Variants in CASTOR2 observed in about 807,000 individuals in gnomAD.
The protein encoded by CASTOR2 is GATS protein like 2.
CASTOR2 carries 8 observed loss-of-function variants against 31.2 expected under a neutral mutation model. That is an observed-to-expected ratio of 0.26 (90% CI 0.15 to 0.46). The LOEUF (loss-of-function observed/expected upper bound fraction) is 0.46, where lower values mean the gene tolerates loss of function less well. CASTOR2 is among the 20% of genes least tolerant of loss of function. CASTOR2 has a pLI of 0.99. For synonymous variants in CASTOR2, 162 were observed against 158.7 expected (o/e 1.02, Z -0.16); for missense variants, 216 against 382.1 (o/e 0.57, Z 3.62).
intron 1 of CASTOR2, among the ~76,000 whole-genome samples, chr7:74,980,644 G>T (rs1196429549): frequency 7.2e-6 from 1 of 138,722 alleles, no homozygotes; most frequent in Non-Finnish European, 1.5e-5. Context: ...TGTCCCCATG[G>T]CACAGATGGT....
intron 1 of CASTOR2, among the ~76,000 whole-genome samples, chr7:75,003,198 G>A (rs1804535128): frequency 1.3e-5 from 2 of 152,216 alleles, no homozygotes; most frequent in Non-Finnish European, 2.9e-5. Context: ...TATAATCCGA[G>A]CACTTTGGGA....
intron 1 of CASTOR2, among the ~76,000 whole-genome samples, chr7:75,004,521 C>T (rs1368202112): frequency 2.0e-5 from 3 of 147,246 alleles, no homozygotes; most frequent in African/African-American, 7.5e-5. Flanking sequence ...GGCACGATCT[C>T]AGCTCACAGC....
chr7:75,007,471 C>G (rs1320527274), intron 1 of CASTOR2, among the ~76,000 whole-genome samples: 6 of 151,966 alleles, frequency 3.9e-5, no homozygotes, highest in African/African-American at 1.4e-4. Flanking sequence ...GCATTCCTCT[C>G]TCTTTAGGGA....
In CASTOR2 at chr7:75,026,130, T is replaced by G. The variant is rs1805121847; in HGVS notation, c.*1431T>G. Among the ~76,000 whole-genome samples, 1 of 149,340 alleles carries G rather than the reference T, an allele frequency of 6.7e-6. No homozygotes were observed. Among genetic ancestry groups the G allele is most frequent in the Admixed American group, 6.8e-5 (1 of 14,768 alleles). ...GGGTTAGCCGTGGTGTCCCTTCCAG[T>G]GGGGTGGTTTTCTGAATGAGCAGGA... On this transcript the variant is annotated 3_prime_UTR_variant, in exon 9 of 9. Coordinates refer to ENST00000616305, the MANE Select transcript of CASTOR2 (RefSeq NM_001145064.3).
At chr7:75,008,642 G>A (rs1474108384) in intron 2 of CASTOR2, among the ~76,000 whole-genome samples, 3 of 152,178 alleles carry the variant, frequency 2.0e-5, no homozygotes, top group African/African-American at 7.2e-5. Flanking sequence ...GCTGCAGTGA[G>A]CTGTTATTGA....
chr7:75,001,930 G>A (rs1804506712), intron 1 of CASTOR2, among the ~76,000 whole-genome samples: 2 of 152,166 alleles, frequency 1.3e-5, no homozygotes, highest in African/African-American at 2.4e-5. Context: ...TCCTTGGGCT[G>A]TGATGCACCA....
At chr7:75,022,860 A>AG (rs1324192208) in intron 7 of CASTOR2, among the ~76,000 whole-genome samples, 1 of 152,238 alleles carries the variant, frequency 6.6e-6, no homozygotes, top group Non-Finnish European at 1.5e-5. Flanking sequence ...AAAATTAAAG[A>AG]GAAAAAAAAT....
rs200466833 is a variant in CASTOR2 at position 75,030,525 on chromosome 7, T to C, written c.*5826T>C. 0.94 allele frequency among the ~76,000 whole-genome samples: 143,361 copies of C among 152,220 alleles called. 67,506 individuals are homozygous for C. The highest frequency in any genetic ancestry group is 0.98 in the Middle Eastern group (287 of 294). ...TTTGAGCAGTTCTGGCTCAGGGTCA[T>C]TCATGAGGTTGCTGTTGTCTGAAAT... On this transcript the variant is annotated 3_prime_UTR_variant, in exon 9 of 9. Coordinates refer to ENST00000616305, the MANE Select transcript of CASTOR2 (RefSeq NM_001145064.3).
intron 2 of CASTOR2, among the ~76,000 whole-genome samples, chr7:75,013,842 C>T (rs2131950650): frequency 6.6e-6 from 1 of 152,190 alleles, no homozygotes; most frequent in Admixed American, 6.6e-5. Flanking sequence ...ATTCTCATGC[C>T]TCAGCCTCCT....
At chr7:75,019,569 C>T (rs1031294545) in intron 5 of CASTOR2, among the ~76,000 whole-genome samples, 66 of 152,318 alleles carry the variant, frequency 4.3e-4, no homozygotes, top group South Asian at 6.2e-4. Context: ...AATTTGGTGA[C>T]GCCCCAAAGA....
At chr7:75,007,826 G>A in intron 1 of CASTOR2, 168 bp from the exon 2 acceptor site, 1 of 811,180 alleles carries the variant, frequency 1.2e-6, no homozygotes, top group South Asian at 1.6e-5. Flanking sequence ...TGAGAACTGA[G>A]TAGGGGGACA....
chr7:74,983,987 G>C (rs1256302571), intron 1 of CASTOR2, among the ~76,000 whole-genome samples: 1 of 150,958 alleles, frequency 6.6e-6, no homozygotes, highest in Non-Finnish European at 1.5e-5. Flanking sequence ...TCACTTTGTT[G>C]CCCAGGCTGG....
chr7:75,011,056 C>T (rs1354992654), intron 2 of CASTOR2, among the ~76,000 whole-genome samples: 198 of 151,720 alleles, frequency 1.3e-3, no homozygotes, highest in African/African-American at 3.6e-3. Context: ...GGTTTGGTTT[C>T]ACCATGTTGG....
chr7:74,993,445 CTTTTTTT>C (rs1156811360), intron 1 of CASTOR2, among the ~76,000 whole-genome samples: 12 of 77,616 alleles, frequency 1.5e-4, no homozygotes, highest in Admixed American at 1.1e-3. Context: ...CCTCCTTTGT[CTTTTTTT>C]TTTTTTTTTT....
At chr7:74,986,489 C>CAAAAA (rs1230811070) in intron 1 of CASTOR2, among the ~76,000 whole-genome samples, 2 of 66,888 alleles carry the variant, frequency 3.0e-5, no homozygotes, top group Admixed American at 1.8e-4. Context: ...GACTCTGTCT[C>CAAAAA]AAAAAAAAAA....
chr7:74,995,989 A>G (rs1255151339), intron 1 of CASTOR2, among the ~76,000 whole-genome samples: 5 of 151,238 alleles, frequency 3.3e-5, no homozygotes, highest in African/African-American at 1.2e-4. Flanking sequence ...AAAAAAAAAG[A>G]TGGGCGAATG....
At chr7:75,007,150 G>A (rs1804625195) in intron 1 of CASTOR2, among the ~76,000 whole-genome samples, 1 of 152,060 alleles carries the variant, frequency 6.6e-6, no homozygotes, top group Admixed American at 6.6e-5. Context: ...ATACTCTCTA[G>A]GGTGCAGTGG....
chr7:75,015,161 C>G (rs1804838614), intron 2 of CASTOR2, among the ~76,000 whole-genome samples: 1 of 152,238 alleles, frequency 6.6e-6, no homozygotes, highest in South Asian at 2.1e-4. Flanking sequence ...CTCAATTTCC[C>G]TCCTCTCAGG....
At chr7:75,020,007 C>T (rs1341826017) in intron 5 of CASTOR2, 32 bp from the exon 6 acceptor site, 8 of 1,548,596 alleles carry the variant, frequency 5.2e-6, no homozygotes, top group South Asian at 1.2e-5. Flanking sequence ...GCCACAGGGG[C>T]CCCATCTTTA....
Sources: gnomAD v4.1 joint callset for allele counts (sites outside exome capture counted in the v4.1 genomes callset) on GRCh38, gnomAD v4.1.1 for gene constraint, MANE v1.5 for transcripts, NCBI Gene and HGNC (gene_info 2026-07-23, HGNC 2026-07-21) for gene names.